The following GLS variants were observed in gnomAD, a reference collection of about 807,000 sequenced individuals.
GLS encodes glutaminase kidney isoform, mitochondrial.
Under a neutral mutation model 86.7 loss-of-function variants are expected in GLS, and 36 were observed. The observed-to-expected ratio is 0.42, with a 90% CI of 0.32 to 0.55. The LOEUF (loss-of-function observed/expected upper bound fraction) is 0.55. GLS is among the 20% of genes least tolerant of loss of function. The pLI, the probability that GLS is intolerant of heterozygous loss-of-function variation, is 0.17. For missense variants in GLS, 528 were observed against 833.4 expected (o/e 0.63, Z 4.51); for synonymous variants, 317 against 305.9 (o/e 1.04, Z -0.38).
intron 3 of GLS, among the ~76,000 whole-genome samples, chr2:190,899,284 T>C (rs951560036): frequency 1.3e-5 from 2 of 152,180 alleles, no homozygotes; most frequent in Non-Finnish European, 2.9e-5. Context: ...CTCTGGGGTG[T>C]CAATACTATA....
intron 14 of GLS, chr2:190,934,485 A>G (rs1207677353): frequency 1.0e-6 from 1 of 980,522 alleles, no homozygotes; most frequent in Non-Finnish European, 1.2e-6. Context: ...TCAGATGCAT[A>G]TCCTAACTGG....
intron 9 of GLS, among the ~76,000 whole-genome samples, chr2:190,922,191 CTT>C (rs1689758880): frequency 6.6e-6 from 1 of 152,128 alleles, no homozygotes; most frequent in Non-Finnish European, 1.5e-5. Context: ...TTATAAAAAA[CTT>C]TATAAAAACA....
chr2:190,898,770 T>TA (rs1460317050), intron 3 of GLS, among the ~76,000 whole-genome samples: 9 of 152,170 alleles, frequency 5.9e-5, no homozygotes, highest in Non-Finnish European at 1.2e-4. Context: ...TAGCTGGGAT[T>TA]ACAGGCATGC....
chr2:190,888,076 A>G (rs1382625469), intron 1 of GLS, among the ~76,000 whole-genome samples: 2 of 152,132 alleles, frequency 1.3e-5, no homozygotes, highest in African/African-American at 2.4e-5. Flanking sequence ...CCCCCCCATT[A>G]TAAGTGGGAA....
At chr2:190,928,892 G>GTTTTTTTT (rs367999647) in intron 12 of GLS, among the ~76,000 whole-genome samples, 2 of 12,824 alleles carry the variant, frequency 1.6e-4, no homozygotes, top group Non-Finnish European at 2.8e-4. Context: ...ATTCAGGTGT[G>GTTTTTTTT]TTTTTTTTTT....
chr2:190,941,841 C>T (rs536007533), intron 14 of GLS, among the ~76,000 whole-genome samples: 107 of 151,934 alleles, frequency 7.0e-4, no homozygotes, highest in Middle Eastern at 3.4e-3. Context: ...TCTCATATTT[C>T]GATGTACATC....
chr2:190,932,091 TATC>T (rs770852930), intron 14 of GLS, among the ~76,000 whole-genome samples: 133 of 151,752 alleles, frequency 8.8e-4, no homozygotes, highest in Non-Finnish European at 1.5e-3. Flanking sequence ...GGAAAAGGAT[TATC>T]ATATTAGTGA....
intron 6 of GLS, 110 bp from the exon 7 acceptor site, chr2:190,910,153 A>G: frequency 3.1e-6 from 2 of 642,808 alleles, no homozygotes; most frequent in South Asian, 2.1e-5. Flanking sequence ...CTAAGAAAAA[A>G]GCAAAATTGA....
chr2:190,937,192 A>G (rs903529820), intron 14 of GLS, among the ~76,000 whole-genome samples: 2 of 151,354 alleles, frequency 1.3e-5, no homozygotes, highest in Non-Finnish European at 3.0e-5. Context: ...TCCAAGTTCA[A>G]CTATTTTTCT....
At chr2:190,957,865 TTTC>T (rs1479767697) in intron 17 of GLS, among the ~76,000 whole-genome samples, 3 of 152,184 alleles carry the variant, frequency 2.0e-5, no homozygotes, top group Non-Finnish European at 2.9e-5. Flanking sequence ...GGCCTGAAAT[TTTC>T]TTTTTTTGTT....
In GLS at chr2:190,956,618, T is replaced by A. The variant is rs1338058210; in HGVS notation, c.1853+1800T>A. 6.6e-6 allele frequency among the ~76,000 whole-genome samples: 1 copy of A among 151,932 alleles called. No individual in the cohort carries two copies. Among genetic ancestry groups the A allele is most frequent in the Non-Finnish European group, 1.5e-5 (1 of 67,960 alleles). On this transcript the variant is annotated intron_variant, in intron 17 of 17. Coordinates refer to ENST00000320717, the MANE Select transcript of GLS (RefSeq NM_014905.5). This position sits in a 1 kb window ranked among gnomAD's most constrained non-coding sequence, Gnocchi z 4.2. The stretch of plus-strand genomic sequence containing the variant: ...TTGGTTATATATGAAATTTAAGGTA[T>A]TTTTTTTCTAATTCTGTGAAGAAAG...
chr2:190,936,293 A>T (rs1690266926), intron 14 of GLS, among the ~76,000 whole-genome samples: 1 of 151,156 alleles, frequency 6.6e-6, no homozygotes, highest in South Asian at 2.1e-4. Flanking sequence ...CTGATATGTC[A>T]GCCTATATCC....
At chr2:190,942,163 T>C (rs867816666) in intron 14 of GLS, among the ~76,000 whole-genome samples, 2 of 133,322 alleles carry the variant, frequency 1.5e-5, no homozygotes, top group Middle Eastern at 4.0e-3. Context: ...CACTGCAAGC[T>C]CCGCCTCCCG....
At chr2:190,952,289 T>C (rs916305934) in intron 14 of GLS, among the ~76,000 whole-genome samples, 4 of 152,188 alleles carry the variant, frequency 2.6e-5, no homozygotes, top group Non-Finnish European at 5.9e-5. Context: ...TTTGAAGTGG[T>C]ATCAACACAA....
intron 1 of GLS, among the ~76,000 whole-genome samples, chr2:190,893,289 T>A (rs1488615617): frequency 6.6e-6 from 1 of 152,188 alleles, no homozygotes; most frequent in Non-Finnish European, 1.5e-5. Context: ...GTAGCAGTAG[T>A]TTGGATTCAG....
rs577237844 is a variant in GLS, at chr2:190,955,394, T to C, written c.1853+576T>C. Among the ~76,000 whole-genome samples the C allele has an allele frequency of 1.9e-4, 29 of 152,340 alleles. No individual in the cohort carries two copies. Among genetic ancestry groups the C allele is most frequent in the African/African-American group, 6.5e-4 (27 of 41,580 alleles). On this transcript the variant is annotated intron_variant, in intron 17 of 17. Transcript: ENST00000320717. The surrounding 1 kb of genome is among the most constrained non-coding windows in gnomAD (Gnocchi z 5.6). ...ACATGAAGTGTTTGGTTTTCTGTTC[T>C]TGTGTTAGTTTGCTGAGAATGATGG...
chr2:190,920,282 C>A lies in GLS; in HGVS notation c.1039-742C>A, dbSNP rs1443108648. The stretch of plus-strand genomic sequence containing the variant: ...AAACCATTTGGCTACTTGAACTGAT[C>A]TACATTACATAGATTTTTCCTATTG... On this transcript the variant is annotated intron_variant, in intron 7 of 17. Coordinates refer to ENST00000320717, the MANE Select transcript of GLS (RefSeq NM_014905.5). This position sits in a 1 kb window ranked among gnomAD's most constrained non-coding sequence, Gnocchi z 4.2. The A allele has an allele frequency of 6.6e-6, 1 of 151,852 alleles. No homozygotes were observed. Among genetic ancestry groups the A allele is most frequent in the Admixed American group, 6.6e-5 (1 of 15,234 alleles). 9.4% of individuals were successfully genotyped at this position (151,852 alleles called of 1,614,324 possible).
At chr2:190,915,023 C>CT (rs902605069) in intron 7 of GLS, among the ~76,000 whole-genome samples, 168 of 146,654 alleles carry the variant, frequency 1.1e-3, no homozygotes, top group African/African-American at 2.7e-3. Context: ...TTATAATTTA[C>CT]TTTTTTTTTT....
At chr2:190,903,352 C>A (rs1689018071) in intron 5 of GLS, among the ~76,000 whole-genome samples, 1 of 152,146 alleles carries the variant, frequency 6.6e-6, no homozygotes, top group Admixed American at 6.5e-5. Flanking sequence ...CTCTTAACTT[C>A]TAGTCTATTT....
Sources: gnomAD v4.1 joint callset for allele counts (sites outside exome capture counted in the v4.1 genomes callset) on GRCh38, gnomAD v4.1.1 for gene constraint, Gnocchi (gnomAD v3.1) non-coding constraint, MANE v1.5 for transcripts, NCBI Gene and HGNC (gene_info 2026-07-23, HGNC 2026-07-21) for gene names.